Variants in FBLN2 observed in about 807,000 individuals in gnomAD.
FBLN2 encodes fibulin-2.
Under a neutral mutation model 123.7 loss-of-function variants are expected in FBLN2, and 81 were observed. That is an observed-to-expected ratio of 0.65 (90% CI 0.55 to 0.79). The LOEUF (loss-of-function observed/expected upper bound fraction) is 0.79. FBLN2 is among the 30% of genes least tolerant of loss of function. The pLI is 0.00. For missense variants in FBLN2, 1,603 were observed against 1,681.3 expected (o/e 0.95, Z 0.81); for synonymous variants, 699 against 701.4 (o/e 1.00, Z 0.05).
At chr3:13,607,679 T>C (rs1046538045) in intron 2 of FBLN2, among the ~76,000 whole-genome samples, 3 of 152,082 alleles carry the variant, frequency 2.0e-5, no homozygotes, top group South Asian at 4.1e-4. Flanking sequence ...GTTGGTTCAT[T>C]TGGGGAGACC....
Position 13,637,975 on chromosome 3 carries a change from G to C in FBLN2, c.*56G>C. The C allele has an allele frequency of 7.0e-7, 1 of 1,420,040 alleles. No individual in the cohort carries two copies. The highest frequency in any genetic ancestry group is 9.6e-7 in the Non-Finnish European group (1 of 1,040,206). The allele number at this position is 1,420,040 out of a possible 1,614,324, so 88.0% of individuals were successfully genotyped here. A position where few individuals can be genotyped will look rare whatever the true frequency, so the allele number is the denominator to read the frequency against. On this transcript the variant is annotated 3_prime_UTR_variant, in exon 18 of 18. Coordinates refer to ENST00000404922, the MANE Select transcript of FBLN2 (RefSeq NM_001004019.2). ...CGCAGCCCAGGGCTCACACTGCGTGGGAGGGACTGGGTCACTATTGTGGTT... is the reference window on the plus strand; with the variant it reads ...CGCAGCCCAGGGCTCACACTGCGTGCGAGGGACTGGGTCACTATTGTGGTT...
rs758144391 is a variant in FBLN2 at position 13,571,207 on chromosome 3, G to T, written c.852G>T (p.Glu284Asp). ...TEDSEEEEEE[E>D]EEREEMAVTE... ...ACAGTGAGGAGGAAGAAGAGGAGGA[G>T]GAGGAGAGAGAGGAAATGGCTGTCA... is the stretch of plus-strand genomic sequence containing the variant. Residue 284 changes from glutamate (E) to aspartate (D), a missense_variant, in exon 2 of 18, where the codon GAG becomes GAT. Transcript: ENST00000404922. 6.4e-7 allele frequency: 1 copy of T among 1,570,302 alleles called. No individual in the cohort carries two copies. Among genetic ancestry groups the T allele is most frequent in the South Asian group, 1.2e-5 (1 of 85,684 alleles).
intron 1 of FBLN2, among the ~76,000 whole-genome samples, chr3:13,561,977 C>T (rs1190889242): frequency 6.6e-6 from 1 of 152,186 alleles, no homozygotes; most frequent in African/African-American, 2.4e-5. Context: ...ATAAATATCC[C>T]TGGAAACTCA....
At chr3:13,567,899 G>A (rs751304791) in intron 1 of FBLN2, among the ~76,000 whole-genome samples, 2 of 152,178 alleles carry the variant, frequency 1.3e-5, no homozygotes, top group Non-Finnish European at 2.9e-5. Context: ...TTGAGGCTGC[G>A]ATGAGCTATG....
Position 13,621,851 on chromosome 3 carries a change from C to T in FBLN2, c.2232C>T (p.Tyr744=), listed in dbSNP as rs1394462964. Residue 744 remains tyrosine, a synonymous_variant, in exon 9 of 18, where the codon TAC becomes TAT. Transcript: ENST00000404922. The part of the protein sequence containing the change: ...QFCVNTLGSF[Y]CVNHTVLCAD... Reference sequence around the variant, plus strand: ...GTGTGAACACCCTGGGATCCTTCTACTGTGTCAACCACACAGTGCTCTGTG... The same window carrying T: ...GTGTGAACACCCTGGGATCCTTCTATTGTGTCAACCACACAGTGCTCTGTG... 1.1e-5 allele frequency: 17 copies of T among 1,613,950 alleles called. No individual in the cohort carries two copies. The highest frequency in any genetic ancestry group is 4.0e-5 in the African/African-American group (3 of 74,946).
At chr3:13,621,509 CA>C (rs1355031938) in intron 8 of FBLN2, among the ~76,000 whole-genome samples, 1 of 152,170 alleles carries the variant, frequency 6.6e-6, no homozygotes, top group Non-Finnish European at 1.5e-5. Context: ...GTACGGGAGG[CA>C]GCCTCTGGTC....
intron 16 of FBLN2, among the ~76,000 whole-genome samples, chr3:13,635,228 G>T (rs185117258): frequency 1.2e-4 from 19 of 152,200 alleles, no homozygotes; most frequent in Admixed American, 5.9e-4. Context: ...AGCCCTCTGT[G>T]GTTGCCCCTG....
At position 13,618,920 on chromosome 3, in the gene FBLN2, G is replaced by A. The variant is rs748203709; in HGVS notation, c.1956G>A (p.Gln652=). The A allele has an allele frequency of 1.1e-5, 18 of 1,613,042 alleles. No homozygotes were observed. In the South Asian group the frequency reaches 2.0e-4, roughly 18 times the overall value. Residue 652 remains glutamine, a synonymous_variant, in exon 7 of 18, where the codon CAG becomes CAA. Coordinates refer to ENST00000404922, the MANE Select transcript of FBLN2 (RefSeq NM_001004019.2). Reference sequence around the variant, plus strand: ...CCATGACAGAGGGTCACCCTCCACAGCCGGAAGCCCCACAGGAGCCTGCAC... The same window carrying A: ...CCATGACAGAGGGTCACCCTCCACAACCGGAAGCCCCACAGGAGCCTGCAC... The part of the protein sequence containing the change: ...RTCRPEGHPP[Q]PEAPQEPALK...
intron 1 of FBLN2, among the ~76,000 whole-genome samples, chr3:13,567,821 AGTG>A (rs1397401571): frequency 6.6e-6 from 1 of 152,008 alleles, no homozygotes; most frequent in Non-Finnish European, 1.5e-5. Flanking sequence ...AGCTGGGTGT[AGTG>A]GTGTGTGCCT....
chr3:13,576,729 C>CA lies in FBLN2; in HGVS notation c.1306+5068_1306+5069insA, dbSNP rs535803974. Among the ~76,000 whole-genome samples, 26 of 152,018 alleles carry CA rather than the reference C, an allele frequency of 1.7e-4. No homozygotes were observed. In the South Asian group the frequency reaches 4.8e-3, roughly 28 times the overall value. ...GGGGTGGTCAGGGGGATCCCCCCCC[C>CA]CCGGGTTCACTCATTTATCCACCCA... On this transcript the variant is annotated intron_variant, in intron 2 of 17. Coordinates refer to ENST00000404922, the MANE Select transcript of FBLN2 (RefSeq NM_001004019.2).
chr3:13,604,907 T>G (rs1170567996), intron 2 of FBLN2, among the ~76,000 whole-genome samples: 3 of 152,202 alleles, frequency 2.0e-5, no homozygotes. Context: ...CCGGTTGGAG[T>G]GTGCAGGTGC....
chr3:13,613,732 T>C (rs1705479046), intron 4 of FBLN2, among the ~76,000 whole-genome samples: 1 of 152,118 alleles, frequency 6.6e-6, no homozygotes, highest in South Asian at 2.1e-4. Context: ...GGATAATGAG[T>C]GTGGCTGGGG....
At position 13,571,530 on chromosome 3, in the gene FBLN2, C is replaced by T. The variant is rs1305305574; in HGVS notation, c.1175C>T (p.Ser392Leu). 1.9e-6 allele frequency: 3 copies of T among 1,613,726 alleles called. No individual in the cohort carries two copies. Among genetic ancestry groups the T allele is most frequent in the Non-Finnish European group, 2.5e-6 (3 of 1,179,868 alleles). ...KPSPHNILST[S>L]LPDAAWIPPT... is the part of the protein sequence containing the mutation. ...AGCCCCCACAACATCCTGTCCACATCACTGCCTGATGCAGCCTGGATCCCA... is the reference window on the plus strand; with the variant it reads ...AGCCCCCACAACATCCTGTCCACATTACTGCCTGATGCAGCCTGGATCCCA... Residue 392 changes from serine (S) to leucine (L), a missense_variant, in exon 2 of 18, where the codon TCA becomes TTA. Physicochemically the swap from Ser to Leu is moderately radical, Grantham distance 145. Transcript: ENST00000404922.
intron 1 of FBLN2, among the ~76,000 whole-genome samples, chr3:13,569,796 G>A (rs985349749): frequency 1.3e-5 from 2 of 151,576 alleles, no homozygotes; most frequent in African/African-American, 2.4e-5. Flanking sequence ...ACTGAGTCAA[G>A]GATCTGGGGG....
intron 9 of FBLN2, among the ~76,000 whole-genome samples, chr3:13,624,951 C>A (rs1368809975): frequency 1.3e-5 from 2 of 151,670 alleles, no homozygotes; most frequent in South Asian, 2.1e-4. Context: ...GGCCCCTGGG[C>A]AGTTCCTGAG....
intron 2 of FBLN2, among the ~76,000 whole-genome samples, chr3:13,582,631 C>T (rs551673562): frequency 2.0e-5 from 3 of 152,202 alleles, no homozygotes; most frequent in African/African-American, 4.8e-5. Context: ...CTGCCTCTGC[C>T]GCTCGTGGCT....
intron 6 of FBLN2, 24 bp from the exon 7 acceptor site, chr3:13,618,880 C>A: frequency 6.3e-7 from 1 of 1,588,450 alleles, no homozygotes; most frequent in South Asian, 1.1e-5. Context: ...CCCTGCAACC[C>A]CCACTCTGCT....
intron 17 of FBLN2, 84 bp from the exon 18 acceptor site, chr3:13,637,478 C>A: frequency 7.8e-7 from 1 of 1,282,696 alleles, no homozygotes; most frequent in Non-Finnish European, 1.1e-6. Context: ...CTTGATCCTG[C>A]CGCTGAGCTG....
At chr3:13,629,726 C>T in intron 13 of FBLN2, 94 bp from the exon 14 acceptor site, 1 of 1,474,682 alleles carries the variant, frequency 6.8e-7, no homozygotes, top group Non-Finnish European at 9.0e-7. Flanking sequence ...CCCTCTCCCA[C>T]TTAGCCTCCC....
Sources: allele counts gnomAD v4.1 joint callset (sites outside exome capture counted in the v4.1 genomes callset), GRCh38; gene constraint gnomAD v4.1.1; transcripts MANE v1.5; gene names NCBI Gene and HGNC (gene_info 2026-07-23, HGNC 2026-07-21).